Variants in SLC26A3 observed in about 807,000 individuals in gnomAD.
The protein encoded by SLC26A3 is chloride anion exchanger.
Under a neutral mutation model 85.6 loss-of-function variants are expected in SLC26A3, and 64 were observed. The ratio of observed to expected loss-of-function variants is 0.75; its 90% CI spans 0.61 to 0.92. The LOEUF is 0.92. Ranked by LOEUF, SLC26A3 falls within the 40% of genes least tolerant of loss-of-function variation. SLC26A3 has a pLI of 0.00. For missense variants in SLC26A3, 922 were observed against 927.3 expected, an observed-to-expected ratio of 0.99 and a Z score of 0.07; for synonymous variants, 349 against 336.0, an observed-to-expected ratio of 1.04 and a Z score of -0.42.
intron 1 of SLC26A3, among the ~76,000 whole-genome samples, chr7:107,800,178 G>A (rs1794576751): frequency 6.6e-6 from 1 of 152,048 alleles, no homozygotes; most frequent in Non-Finnish European, 1.5e-5. Context: ...CCAATACCTG[G>A]TAGATTCCAA....
intron 1 of SLC26A3, among the ~76,000 whole-genome samples, chr7:107,798,360 A>C (rs1794544960): frequency 1.3e-5 from 2 of 151,888 alleles, no homozygotes; most frequent in Admixed American, 6.6e-5. Flanking sequence ...TGTCATGTAC[A>C]TACCTCCCCA....
chr7:107,792,062 G>A (rs1282855771), intron 3 of SLC26A3, 122 bp from the exon 4 acceptor site: 4 of 654,858 alleles, frequency 6.1e-6, no homozygotes, highest in Admixed American at 2.4e-5. Context: ...AATTCAAAAT[G>A]TATTAAAGAT....
chr7:107,791,685 A>T, intron 4 of SLC26A3, 145 bp downstream of exon 4: 1 of 551,126 alleles, frequency 1.8e-6, no homozygotes. Flanking sequence ...CCTGCCCTCC[A>T]TCTCAAACCC....
intron 1 of SLC26A3, among the ~76,000 whole-genome samples, chr7:107,798,007 T>G (rs73419929): frequency 0.21 from 31,511 of 151,960 alleles, 3,575 homozygotes; most frequent in Admixed American, 0.26. Context: ...AGGGTGTCAG[T>G]GGATTTGGGG....
chr7:107,769,881 T>C (rs1018979581), intron 18 of SLC26A3, among the ~76,000 whole-genome samples: 1 of 152,148 alleles, frequency 6.6e-6, no homozygotes, highest in Non-Finnish European at 1.5e-5. Context: ...CCCTAAGTAC[T>C]GTCAAGGTTG....
At chr7:107,784,004 T>C (rs189136049) in intron 8 of SLC26A3, among the ~76,000 whole-genome samples, 3 of 152,308 alleles carry the variant, frequency 2.0e-5, no homozygotes, top group East Asian at 3.9e-4. Context: ...TATTTACTAA[T>C]TGTATCATAA....
intron 11 of SLC26A3, among the ~76,000 whole-genome samples, chr7:107,780,089 A>C (rs1794192237): frequency 6.6e-6 from 1 of 151,758 alleles, no homozygotes; most frequent in Admixed American, 6.6e-5. Flanking sequence ...TAACATTTGG[A>C]ATAAATTCCT....
At chr7:107,789,119 CTT>C (rs72134999) in intron 6 of SLC26A3, among the ~76,000 whole-genome samples, 15 of 128,198 alleles carry the variant, frequency 1.2e-4, no homozygotes, top group Non-Finnish European at 1.5e-4. Flanking sequence ...TTTTCTTTTT[CTT>C]TTTTTTTTTT....
chr7:107,795,312 C>T (rs1258788704), intron 1 of SLC26A3, among the ~76,000 whole-genome samples: 2 of 152,198 alleles, frequency 1.3e-5, no homozygotes, highest in African/African-American at 2.4e-5. Flanking sequence ...ATCTGGTTTA[C>T]ATCCAACACA....
chr7:107,789,778 A>G, intron 5 of SLC26A3, 90 bp from the exon 6 acceptor site: 1 of 1,346,110 alleles, frequency 7.4e-7, no homozygotes, highest in Non-Finnish European at 1.0e-6. Flanking sequence ...TATTACACAA[A>G]ACGTAAAGGC....
At chr7:107,785,142 A>G (rs1274806891) in intron 8 of SLC26A3, among the ~76,000 whole-genome samples, 3 of 152,254 alleles carry the variant, frequency 2.0e-5, no homozygotes, top group Non-Finnish European at 1.5e-5. Context: ...TGTAATTTGA[A>G]CATTTATTGT....
chr7:107,786,862 C>T lies in SLC26A3; in HGVS notation c.936G>A (p.Arg312=), dbSNP rs1794304519. The change falls in exon 8 of 21, where the codon AGG becomes AGA. Residue 312 remains arginine (R), a synonymous_variant. Transcript: ENST00000340010. ...TGTCCCCAACCACAGCCACTTTAAA[C>T]CTGTTTTTAAAGTCACAGCCGTAGG... is the stretch of plus-strand genomic sequence containing the variant. ...GVSYGCDFKN[R]FKVAVVGDMN... 4.3e-6 allele frequency: 7 copies of T among 1,614,116 alleles called. No individual in the cohort carries two copies. Among genetic ancestry groups the T allele is most frequent in the Non-Finnish European group, 5.1e-6 (6 of 1,179,996 alleles).
intron 20 of SLC26A3, 70 bp downstream of exon 20, chr7:107,767,509 G>T: frequency 1.8e-6 from 2 of 1,127,388 alleles, no homozygotes; most frequent in South Asian, 1.3e-5. Flanking sequence ...GCAGGAAGTG[G>T]CCTCACTACT....
chr7:107,773,810 C>G, intron 17 of SLC26A3, 110 bp downstream of exon 17: 1 of 946,214 alleles, frequency 1.1e-6, no homozygotes. Context: ...CTCGGCCTCC[C>G]AAAGTGCTGG....
chr7:107,800,428 A>G (rs948989696), intron 1 of SLC26A3, among the ~76,000 whole-genome samples: 4 of 152,258 alleles, frequency 2.6e-5, no homozygotes, highest in South Asian at 2.1e-4. Flanking sequence ...TCAGGAACTC[A>G]GTTCCTAACA....
intron 1 of SLC26A3, among the ~76,000 whole-genome samples, chr7:107,796,592 G>T (rs1794504584): frequency 6.6e-6 from 1 of 152,178 alleles, no homozygotes; most frequent in Non-Finnish European, 1.5e-5. Context: ...GGTGACTTGT[G>T]CATTGCTGTG....
chr7:107,774,932 G>A (rs1016806845), intron 15 of SLC26A3, 60 bp from the exon 16 acceptor site: 2 of 1,259,640 alleles, frequency 1.6e-6, no homozygotes, highest in African/African-American at 2.9e-5. Flanking sequence ...ATATAGCATA[G>A]TTCTAACAAC....
rs375903590 is a variant in SLC26A3 at position 107,797,740 on chromosome 7, C to CTTTTTTTTTTTTTTTTTTTTTTTTT, written c.-88-3144_-88-3143insAAAAAAAAAAAAAAAAAAAAAAAAA. 2.4e-5 allele frequency among the ~76,000 whole-genome samples: 3 copies of CTTTTTTTTTTTTTTTTTTTTTTTTT among 127,446 alleles called. 1 individual carries two copies. The highest frequency in any genetic ancestry group is 6.5e-5 in the African/African-American group (2 of 30,558). 83.6% of individuals were successfully genotyped at this position (127,446 alleles called of 152,430 possible). On this transcript the variant is annotated intron_variant, in intron 1 of 20. Transcript: ENST00000340010. The stretch of plus-strand genomic sequence containing the variant: ...CATTTCTGAGATTCTTGAGCAGGAC[C>CTTTTTTTTTTTTTTTTTTTTTTTTT]TTTTTTTTTTGAGACGGAGTCTTGC...
intron 12 of SLC26A3, among the ~76,000 whole-genome samples, chr7:107,778,572 T>G (rs528490154): frequency 6.6e-6 from 1 of 152,186 alleles, no homozygotes; most frequent in East Asian, 1.9e-4. Context: ...GAAAGTGTAT[T>G]TATTTCTAAT....
Sources: allele counts gnomAD v4.1 joint callset (sites outside exome capture counted in the v4.1 genomes callset), GRCh38; gene constraint gnomAD v4.1.1; transcripts MANE v1.5; gene names NCBI Gene and HGNC (gene_info 2026-07-23, HGNC 2026-07-21).